The following DHX57 variants were observed in gnomAD, a reference collection of about 807,000 sequenced individuals.
DHX57 encodes putative ATP-dependent RNA helicase DHX57.
DHX57 carries 105 observed loss-of-function variants against 156.2 expected under a neutral mutation model. That is an observed-to-expected ratio of 0.67 (90% CI 0.57 to 0.79). The LOEUF is 0.79. DHX57 is among the 30% of genes least tolerant of loss of function. The pLI, the probability that DHX57 is intolerant of heterozygous loss-of-function variation, is 0.00. For synonymous variants in DHX57, 704 were observed against 595.6 expected, an observed-to-expected ratio of 1.18 and a Z score of -2.65; for missense variants, 1,847 against 1,661.9, an observed-to-expected ratio of 1.11 and a Z score of -1.94.
chr2:38,847,124 A>G (rs780277107), intron 10 of DHX57, 51 bp from the exon 11 acceptor site: 6 of 1,391,946 alleles, frequency 4.3e-6, no homozygotes, highest in Middle Eastern at 1.8e-4. Context: ...CCATTCAACC[A>G]TCTTGAAATA....
chr2:38,861,025 G>T lies in DHX57; in HGVS notation c.1385C>A (p.Ser462Tyr), dbSNP rs1353484091. Residue 462 changes from serine (S) to tyrosine (Y), a missense_variant, in exon 5 of 24, where the codon TCT (serine) becomes TAT (tyrosine). Coordinates refer to ENST00000457308, the MANE Select transcript of DHX57 (RefSeq NM_198963.3). ...TTCTGGAATTTGATTAGAAACAAAA[G>T]AATTATTTGGAATCACTGTTTTATG... ...ACHKTVIPNNSFVSNQIPEVE... is the reference protein window; with the variant it reads ...ACHKTVIPNNYFVSNQIPEVE... 1 of 1,613,502 alleles carries T rather than the reference G, an allele frequency of 6.2e-7. No homozygotes were observed. The highest frequency in any genetic ancestry group is 1.3e-5 in the African/African-American group (1 of 74,888).
chr2:38,811,543 C>T (rs2148540809), intron 21 of DHX57: 2 of 1,151,222 alleles, frequency 1.7e-6, no homozygotes, highest in Non-Finnish European at 1.3e-6. Context: ...TTCTGGCCAA[C>T]ATTGGCCAGG....
At chr2:38,805,689 T>A (rs1669900743) in intron 22 of DHX57, among the ~76,000 whole-genome samples, 1 of 151,326 alleles carries the variant, frequency 6.6e-6, no homozygotes, top group Non-Finnish European at 1.5e-5. Flanking sequence ...GATGGTATCA[T>A]TCCACCAAGA....
chr2:38,868,465 T>A, intron 1 of DHX57, 54 bp from the exon 2 acceptor site: 1 of 1,554,272 alleles, frequency 6.4e-7, no homozygotes, highest in Non-Finnish European at 8.7e-7. Context: ...TGTATGATAA[T>A]CCTTTGTTTG....
At chr2:38,833,385 C>T (rs528803969) in intron 13 of DHX57, among the ~76,000 whole-genome samples, 6 of 152,112 alleles carry the variant, frequency 3.9e-5, no homozygotes, top group East Asian at 3.9e-4. Flanking sequence ...TCAGGTGATC[C>T]GCCTGCCTCG....
At chr2:38,856,102 G>T (rs913833474) in intron 7 of DHX57, among the ~76,000 whole-genome samples, 1 of 152,144 alleles carries the variant, frequency 6.6e-6, no homozygotes, top group Non-Finnish European at 1.5e-5. Context: ...CAGGAAATCA[G>T]AATAAATTCA....
At chr2:38,830,896 C>A (rs1254393777) in intron 13 of DHX57, among the ~76,000 whole-genome samples, 2 of 151,866 alleles carry the variant, frequency 1.3e-5, no homozygotes, top group East Asian at 3.9e-4. Flanking sequence ...GAGTTTGAAA[C>A]CAGTCTGGGC....
intron 20 of DHX57, among the ~76,000 whole-genome samples, chr2:38,814,815 C>T (rs961677993): frequency 2.0e-5 from 3 of 151,964 alleles, no homozygotes; most frequent in East Asian, 1.9e-4. Flanking sequence ...TTCCACCTCC[C>T]GGGTTCAAGC....
intron 23 of DHX57, among the ~76,000 whole-genome samples, chr2:38,800,109 C>T (rs568803367): frequency 6.0e-5 from 9 of 149,922 alleles, no homozygotes; most frequent in Non-Finnish European, 1.3e-4. Context: ...CGCTTGAACA[C>T]GGGAGGCAGA....
chr2:38,811,500 A>G, intron 21 of DHX57: 1 of 815,488 alleles, frequency 1.2e-6, no homozygotes, highest in South Asian at 1.3e-5. Context: ...CCCAAGGTTC[A>G]GTGCCTTCTT....
In DHX57 at chr2:38,834,721, CA is replaced by C. The variant is rs1290910957; in HGVS notation, c.2542+3109del. On this transcript the variant is annotated intron_variant, in intron 13 of 23. Coordinates refer to ENST00000457308, the MANE Select transcript of DHX57 (RefSeq NM_198963.3). ...CATCACAAGCAAAAGGTGAATTGCT[CA>C]ATATGTTCCGCAGATGGAGGTCTAT... is the stretch of plus-strand genomic sequence containing the variant. Among the ~76,000 whole-genome samples, 3 of 152,132 alleles carry C rather than the reference CA, an allele frequency of 2.0e-5. No individual in the cohort carries two copies. The East Asian group carries it at 5.8e-4, about 29-fold the overall frequency.
intron 19 of DHX57, among the ~76,000 whole-genome samples, chr2:38,817,855 G>C (rs1216912782): frequency 6.6e-6 from 1 of 151,868 alleles, no homozygotes; most frequent in African/African-American, 2.4e-5. Flanking sequence ...ATGTCACTAG[G>C]TCTGGCTGAT....
At chr2:38,808,294 T>C (rs1216402506) in intron 21 of DHX57, among the ~76,000 whole-genome samples, 2 of 152,064 alleles carry the variant, frequency 1.3e-5, no homozygotes, top group East Asian at 1.9e-4. Flanking sequence ...TTTATATTTA[T>C]ATATAGAAAA....
chr2:38,806,421 A>G lies in DHX57; in HGVS notation c.3816+138T>C, dbSNP rs988086661. 4.2e-6 allele frequency: 4 copies of G among 959,556 alleles called. No homozygotes were observed. The African/African-American group carries it at 6.7e-5, about 16-fold the overall frequency. 59.4% of individuals were successfully genotyped at this position (959,556 alleles called of 1,614,324 possible). On this transcript the variant is annotated intron_variant, in intron 22 of 23. Transcript: ENST00000457308. ...AAATAGTCCAATTTCCAGTCTGTTT[A>G]TTCTTATTCAATCTTCCCTCAGTCA...
At chr2:38,803,205 TG>T (rs1335001757) in intron 22 of DHX57, among the ~76,000 whole-genome samples, 1 of 152,132 alleles carries the variant, frequency 6.6e-6, no homozygotes, top group Non-Finnish European at 1.5e-5. Context: ...CTCGAACTCC[TG>T]GGCTCCAGCA....
chr2:38,863,701 C>T (rs1159033247), intron 2 of DHX57, among the ~76,000 whole-genome samples, 182 bp from the exon 3 acceptor site: 1 of 152,048 alleles, frequency 6.6e-6, no homozygotes, highest in Non-Finnish European at 1.5e-5. Context: ...TTATATCAGA[C>T]CTGCTGGAAA....
In DHX57 at chr2:38,846,918, C is replaced by G. The variant is rs1383309581; in HGVS notation, c.2219+101G>C. ...TGCCCAAGCTGGTCTTGAACTGGCCCCAAAAGATCCTCCCACCTTTGCCTT... is the reference window on the plus strand; with the variant it reads ...TGCCCAAGCTGGTCTTGAACTGGCCGCAAAAGATCCTCCCACCTTTGCCTT... On this transcript the variant is annotated intron_variant, in intron 11 of 23. Transcript: ENST00000457308. The G allele has an allele frequency of 3.2e-6, 3 of 941,254 alleles. No individual in the cohort carries two copies. The African/African-American group carries it at 5.0e-5, about 16-fold the overall frequency. The allele number at this position is 941,254 out of a possible 1,614,324, so 58.3% of individuals were successfully genotyped here.
intron 4 of DHX57, 50 bp downstream of exon 4, chr2:38,862,095 C>T (rs765489021): frequency 5.9e-6 from 9 of 1,528,696 alleles, no homozygotes; most frequent in East Asian, 2.3e-5. Flanking sequence ...TATATGATTT[C>T]GGTTTCCTTG....
In DHX57 at chr2:38,856,437, G is replaced by GA. The variant is rs1485291055; in HGVS notation, c.1611dup (p.Leu538SerfsTer18). 6.2e-7 allele frequency: 1 copy of GA among 1,612,694 alleles called. No homozygotes were observed. Among genetic ancestry groups the GA allele is most frequent in the Admixed American group, 1.7e-5 (1 of 59,912 alleles). The stretch of plus-strand genomic sequence containing the variant: ...GCAGGGAGTGATTGCCTCTCTTGCA[G>GA]AATGGACTGGAACTGTCTGGAAGCC... On this transcript the variant is annotated frameshift_variant, in exon 7 of 24. Transcript: ENST00000457308. LOFTEE classifies it high-confidence loss of function.
Sources: gnomAD v4.1 joint callset for allele counts (sites outside exome capture counted in the v4.1 genomes callset) on GRCh38, gnomAD v4.1.1 for gene constraint, MANE v1.5 for transcripts, NCBI Gene and HGNC (gene_info 2026-07-23, HGNC 2026-07-21) for gene names.